Variants in USP9X observed in about 807,000 individuals in gnomAD.
The protein encoded by USP9X is ubiquitin carboxyl-terminal hydrolase 9X.
USP9X carries 7 observed loss-of-function variants against 190.3 expected under a neutral mutation model. The ratio of observed to expected loss-of-function variants is 0.04; its 90% CI spans 0.02 to 0.07. The LOEUF is 0.07. Ranked by LOEUF, USP9X falls within the 10% of genes least tolerant of loss-of-function variation. The pLI is 1.00. For missense variants in USP9X, 1,010 were observed against 1,916.9 expected, an observed-to-expected ratio of 0.53 and a Z score of 8.83; for synonymous variants, 645 against 659.5, an observed-to-expected ratio of 0.98 and a Z score of 0.34.
chrX:41,141,021 C>A lies in USP9X; in HGVS notation c.826C>A (p.Leu276Ile). Reference protein sequence around the residue: ...LTLHTVKKYFLPIIEMVPQFL... With the variant: ...LTLHTVKKYFIPIIEMVPQFL... ...TCTTCATACAGTGAAAAAGTACTTT[C>A]TTCCAATAATAGAAATGGTTCCACA... Residue 276 changes from leucine to isoleucine, a missense_variant, in exon 8 of 45, where the codon CTT becomes ATT. Leu to Ile is a conservative substitution (Grantham distance 5). This residue lies in a region of USP9X where 176 missense variants were observed against 247.5 expected (regional missense o/e 0.71). Transcript: ENST00000378308. The A allele has an allele frequency of 5.8e-6, 7 of 1,204,578 alleles. No individual in the cohort carries two copies. Among genetic ancestry groups the A allele is most frequent in the Non-Finnish European group, 7.8e-6 (7 of 892,344 alleles).
intron 32 of USP9X, among the ~76,000 whole-genome samples, chrX:41,209,424 G>A (rs763011187): frequency 1.8e-5 from 2 of 111,494 alleles, no homozygotes; most frequent in East Asian, 5.6e-4. Context: ...TAAATGTTGA[G>A]GGGGTGGGGG....
At chrX:41,145,413 A>G (rs2062455787) in intron 11 of USP9X, among the ~76,000 whole-genome samples, 1 of 112,007 alleles carries the variant, frequency 8.9e-6, no homozygotes, top group South Asian at 3.7e-4. Context: ...GTTCAGCAAC[A>G]CTTGTTAGCA....
At chrX:41,182,851 C>T (rs2062839563) in intron 21 of USP9X, among the ~76,000 whole-genome samples, 1 of 110,688 alleles carries the variant, frequency 9.0e-6, no homozygotes, top group Admixed American at 9.6e-5. Flanking sequence ...AGAGAAGTGA[C>T]AGTTTCAACA....
chrX:41,138,208 T>A (rs189088288), intron 6 of USP9X, among the ~76,000 whole-genome samples: 73 of 111,862 alleles, frequency 6.5e-4, no homozygotes, highest in Non-Finnish European at 1.1e-3. Flanking sequence ...TAAACAGGTC[T>A]TCTATAAGCT....
intron 35 of USP9X, 134 bp from the exon 36 acceptor site, chrX:41,217,086 G>A (rs986901586): frequency 1.0e-4 from 68 of 669,361 alleles, no homozygotes; most frequent in Middle Eastern, 5.3e-4. Context: ...AAAAATAAAT[G>A]GGTCTAAATT....
intron 11 of USP9X, among the ~76,000 whole-genome samples, chrX:41,147,110 T>C (rs910120489): frequency 6.3e-5 from 7 of 111,114 alleles, no homozygotes; most frequent in African/African-American, 2.3e-4. Context: ...TCCCTTGCAA[T>C]TTATTTGTTG....
chrX:41,137,031 G>T lies in USP9X; in HGVS notation c.654+9G>T. On this transcript the variant is annotated intron_variant, in intron 6 of 44. Coordinates refer to ENST00000378308, the MANE Select transcript of USP9X (RefSeq NM_001039591.3). ...ATCCTCGATCACCAAAGGTGTGTTG[G>T]TTTGTTATTTTCAAAATTAAATAAT... is the stretch of plus-strand genomic sequence containing the variant. 8.3e-7 allele frequency: 1 copy of T among 1,199,675 alleles called. No individual in the cohort carries two copies. The highest frequency in any genetic ancestry group is 1.1e-6 in the Non-Finnish European group (1 of 885,828).
chrX:41,134,663 G>T, intron 4 of USP9X, 62 bp from the exon 5 acceptor site: 1 of 984,543 alleles, frequency 1.0e-6, no homozygotes, highest in South Asian at 2.1e-5. Context: ...TTGTATATTG[G>T]ACAATGTAAA....
At chrX:41,087,031 A>G (rs1937230) in intron 1 of USP9X, among the ~76,000 whole-genome samples, 1 of 111,414 alleles carries the variant, frequency 9.0e-6, no homozygotes, top group Non-Finnish European at 1.9e-5. Flanking sequence ...CAAAATTTCT[A>G]GTAGAACCTG....
intron 9 of USP9X, among the ~76,000 whole-genome samples, chrX:41,142,119 G>T (rs1235869551): frequency 1.8e-5 from 2 of 110,786 alleles, no homozygotes; most frequent in South Asian, 3.9e-4. Flanking sequence ...AAATGCATGT[G>T]GAGACTGCTT....
chrX:41,167,656 T>C (rs1198533687), intron 17 of USP9X, 79 bp downstream of exon 17: 7 of 709,664 alleles, frequency 9.9e-6, no homozygotes, highest in African/African-American at 4.4e-5. Context: ...AGAAAAAATA[T>C]TATCTAAATG....
chrX:41,196,482 C>A (rs1248608064), intron 27 of USP9X, 110 bp from the exon 28 acceptor site: 2 of 1,084,427 alleles, frequency 1.8e-6, no homozygotes, highest in Non-Finnish European at 2.5e-6. Context: ...TGAAGTACTA[C>A]TTTATTTCCC....
chrX:41,169,276 A>G (rs1302633880), intron 18 of USP9X, among the ~76,000 whole-genome samples: 1 of 110,399 alleles, frequency 9.1e-6, no homozygotes, highest in Non-Finnish European at 1.9e-5. Flanking sequence ...CGTCCAGCCA[A>G]CCTTTTACAT....
intron 4 of USP9X, among the ~76,000 whole-genome samples, chrX:41,132,934 G>T (rs1382472192): frequency 1.8e-5 from 2 of 111,163 alleles, no homozygotes; most frequent in Non-Finnish European, 3.8e-5. Flanking sequence ...TCTACTTTAG[G>T]TGCAGTTGAA....
chrX:41,215,484 A>G (rs1446602023), intron 34 of USP9X, among the ~76,000 whole-genome samples: 2 of 112,941 alleles, frequency 1.8e-5, no homozygotes, highest in Admixed American at 1.9e-4. Context: ...AAGGTTCAGT[A>G]GTACACACTT....
At chrX:41,098,748 G>A (rs1367240688) in intron 1 of USP9X, among the ~76,000 whole-genome samples, 1 of 108,858 alleles carries the variant, frequency 9.2e-6, no homozygotes, top group Non-Finnish European at 1.9e-5. Flanking sequence ...TAGAGATGGG[G>A]TTTCGCCACA....
In USP9X at chrX:41,216,648, T is replaced by C. The variant is rs757279847; in HGVS notation, c.6081T>C (p.Pro2027=). 2.5e-6 allele frequency: 3 copies of C among 1,200,373 alleles called. No homozygotes were observed. The African/African-American group carries it at 5.3e-5, about 21-fold the overall frequency. The change falls in exon 35 of 45, where the codon CCT becomes CCC. Residue 2027 remains proline, a synonymous_variant. Transcript: ENST00000378308. Reference sequence around the variant, plus strand: ...GTAATGGCGTTTACTTAAACCCTCCTCCCGGTGAGTATCAAGAGAGTTTAG... The same window carrying C: ...GTAATGGCGTTTACTTAAACCCTCCCCCCGGTGAGTATCAAGAGAGTTTAG... ...LTCNGVYLNP[P]PGQDHLLPEA...
chrX:41,184,059 C>T lies in USP9X; in HGVS notation c.3210C>T (p.Ser1070=), dbSNP rs377310818. Residue 1070 remains serine (S), a synonymous_variant, in exon 22 of 45, where the codon AGC becomes AGT. Transcript: ENST00000378308. ...ICLDHAKLGE[S]SLSPSLDSLF... The stretch of plus-strand genomic sequence containing the variant: ...TAGACCATGCCAAACTTGGAGAAAG[C>T]AGCCTTAGTCCATCTCTTGACTCAC... 1.3e-5 allele frequency: 16 copies of T among 1,208,054 alleles called. No homozygotes were observed. The highest frequency in any genetic ancestry group is 4.4e-5 in the Admixed American group (2 of 45,618).
intron 33 of USP9X, among the ~76,000 whole-genome samples, chrX:41,211,936 C>G (rs1267695803): frequency 8.8e-6 from 1 of 113,448 alleles, no homozygotes; most frequent in Non-Finnish European, 1.9e-5. Context: ...CCCCTCTGCC[C>G]GGCCACCACC....
Sources: allele counts gnomAD v4.1 joint callset (sites outside exome capture counted in the v4.1 genomes callset), GRCh38; gene constraint gnomAD v4.1.1; regional missense constraint gnomAD v4.1.1; transcripts MANE v1.5; gene names NCBI Gene and HGNC (gene_info 2026-07-23, HGNC 2026-07-21).